Variants in SIPA1L1 observed in about 807,000 individuals in gnomAD.
The protein encoded by SIPA1L1 is signal-induced proliferation-associated 1-like protein 1.
Under a neutral mutation model 162.7 loss-of-function variants are expected in SIPA1L1, and 26 were observed. The observed-to-expected ratio is 0.16, with a 90% confidence interval of 0.12 to 0.22. The LOEUF is 0.22. Ranked by LOEUF, SIPA1L1 falls within the 10% of genes least tolerant of loss-of-function variation. SIPA1L1 has a pLI of 1.00. For synonymous variants in SIPA1L1, 829 were observed against 837.4 expected, an observed-to-expected ratio of 0.99 and a Z score of 0.17; for missense variants, 1,874 against 2,241.0, an observed-to-expected ratio of 0.84 and a Z score of 3.31.
At chr14:71,458,800 G>A (rs981935852) in intron 2 of SIPA1L1, among the ~76,000 whole-genome samples, 3 of 152,070 alleles carry the variant, frequency 2.0e-5, no homozygotes, top group Non-Finnish European at 4.4e-5. Flanking sequence ...GCCAGGCTTG[G>A]TGTCTCACGA....
At chr14:71,561,817 T>A (rs976808782) in intron 4 of SIPA1L1, among the ~76,000 whole-genome samples, 1 of 152,082 alleles carries the variant, frequency 6.6e-6, no homozygotes, top group African/African-American at 2.4e-5. Context: ...AAATTCCTGA[T>A]CTCAGGTGAT....
In SIPA1L1 at chr14:71,733,734, C is replaced by T; in HGVS notation, c.4930C>T (p.Pro1644Ser). The T allele has an allele frequency of 6.2e-7, 1 of 1,613,882 alleles. No homozygotes were observed. Among genetic ancestry groups the T allele is most frequent in the Non-Finnish European group, 8.5e-7 (1 of 1,180,026 alleles). ...QETRRQPMPD[P>S]GLMPLPDTAA... ...GACCCGCAGGCAGCCTATGCCCGAC[C>T]CTGGCCTGATGCCCCTGCCTGACAC... Residue 1644 changes from proline (P) to serine (S), a missense_variant, in exon 21 of 24, where the codon CCT becomes TCT. This residue lies in a region of SIPA1L1 where 936 missense variants were observed against 1,051.9 expected (regional missense o/e 0.89). Transcript: ENST00000381232.
chr14:71,422,718 C>T (rs2043278984), intron 2 of SIPA1L1, among the ~76,000 whole-genome samples: 1 of 152,198 alleles, frequency 6.6e-6, no homozygotes, highest in Non-Finnish European at 1.5e-5. Context: ...TTTGCTTATC[C>T]ATTCATCCAT....
intron 2 of SIPA1L1, among the ~76,000 whole-genome samples, chr14:71,475,420 CCCT>C (rs1329674086): frequency 3.3e-5 from 5 of 152,036 alleles, no homozygotes; most frequent in Non-Finnish European, 5.9e-5. Flanking sequence ...GTATCTTTCC[CCCT>C]CCTCCTCTTT....
At chr14:71,592,142 T>C (rs1283176737) in intron 5 of SIPA1L1, among the ~76,000 whole-genome samples, 2 of 152,204 alleles carry the variant, frequency 1.3e-5, no homozygotes, top group Non-Finnish European at 2.9e-5. Context: ...AGGGAAATTA[T>C]GAGCAGTGGT....
chr14:71,694,610 G>A (rs1459688019), intron 13 of SIPA1L1, among the ~76,000 whole-genome samples: 2 of 152,106 alleles, frequency 1.3e-5, no homozygotes, highest in Non-Finnish European at 2.9e-5. Flanking sequence ...ATATAGAGAA[G>A]AAAATCTTCT....
At chr14:71,355,832 C>T (rs1275063990) in intron 2 of SIPA1L1, among the ~76,000 whole-genome samples, 2 of 152,162 alleles carry the variant, frequency 1.3e-5, no homozygotes, top group African/African-American at 4.8e-5. Flanking sequence ...TCAATCTCAG[C>T]TCTTGTATGT....
At chr14:71,679,237 C>T (rs1456720892) in intron 12 of SIPA1L1, among the ~76,000 whole-genome samples, 2 of 152,218 alleles carry the variant, frequency 1.3e-5, no homozygotes, top group East Asian at 3.9e-4. Context: ...CAGTGGCTCT[C>T]TGCAGAAACT....
At chr14:71,579,521 T>A (rs2033614982) in intron 4 of SIPA1L1, among the ~76,000 whole-genome samples, 1 of 152,198 alleles carries the variant, frequency 6.6e-6, no homozygotes, top group Non-Finnish European at 1.5e-5. Flanking sequence ...CTGTCTTAGA[T>A]CCCTTGAGGG....
At chr14:71,532,999 T>C (rs1452252363) in intron 4 of SIPA1L1, among the ~76,000 whole-genome samples, 3 of 152,164 alleles carry the variant, frequency 2.0e-5, no homozygotes, top group South Asian at 2.1e-4. Context: ...TGGAAACATA[T>C]TGTATCTGTT....
chr14:71,654,484 T>G (rs555269746), intron 8 of SIPA1L1, among the ~76,000 whole-genome samples: 1 of 152,336 alleles, frequency 6.6e-6, no homozygotes, highest in Non-Finnish European at 1.5e-5. Flanking sequence ...CACAGGAGAC[T>G]TAGAAGCCGT....
intron 2 of SIPA1L1, among the ~76,000 whole-genome samples, chr14:71,485,408 C>A (rs1353090398): frequency 6.6e-6 from 1 of 152,202 alleles, no homozygotes; most frequent in Non-Finnish European, 1.5e-5. Flanking sequence ...CCCCATTGCC[C>A]ATTACCACCT....
intron 2 of SIPA1L1, among the ~76,000 whole-genome samples, chr14:71,324,210 A>AGATT (rs1312786797): frequency 6.6e-6 from 1 of 152,242 alleles, no homozygotes; most frequent in Non-Finnish European, 1.5e-5. Context: ...TTTGTTGGAC[A>AGATT]GATTCATGGA....
chr14:71,686,820 G>A (rs931734994), intron 13 of SIPA1L1, among the ~76,000 whole-genome samples: 2 of 152,188 alleles, frequency 1.3e-5, no homozygotes, highest in African/African-American at 4.8e-5. Flanking sequence ...GGAGAAGTCT[G>A]TATTCTGGGA....
At chr14:71,733,580 T>G in intron 20 of SIPA1L1, 86 bp from the exon 21 acceptor site, 1 of 1,341,352 alleles carries the variant, frequency 7.5e-7, no homozygotes, top group African/African-American at 1.4e-5. Context: ...TGGCTTACAA[T>G]CTATTGTGGT....
chr14:71,347,136 T>C (rs2036250974), intron 2 of SIPA1L1, among the ~76,000 whole-genome samples: 1 of 151,550 alleles, frequency 6.6e-6, no homozygotes, highest in African/African-American at 2.4e-5. Context: ...TTTTTTCGTA[T>C]TTTTAGTAGA....
In SIPA1L1 at chr14:71,495,405, ACTGTTT is replaced by A. The variant is rs1393828701; in HGVS notation, c.-464-17337_-464-17332del. On this transcript the variant is annotated intron_variant, in intron 2 of 23. Transcript: ENST00000381232. ...TCTAATTTGTCTAATTTGATGGCAT[ACTGTTT>A]TTATATTTTCTTTTATATATTTAAA... Among the ~76,000 whole-genome samples, 3 of 151,288 alleles carry A rather than the reference ACTGTTT, an allele frequency of 2.0e-5. No individual in the cohort carries two copies. In the East Asian group the frequency reaches 5.8e-4, roughly 29 times the overall value.
rs927103529 is a variant in SIPA1L1 at position 71,542,423 on chromosome 14, CCTGCTG to C, written c.-303+13065_-303+13070del. Among the ~76,000 whole-genome samples, 6 of 150,768 alleles carry C rather than the reference CCTGCTG, an allele frequency of 4.0e-5. 1 individual carries two copies. In the South Asian group the frequency reaches 6.3e-4, roughly 16 times the overall value. On this transcript the variant is annotated intron_variant, in intron 4 of 23. Coordinates refer to ENST00000381232, the MANE Select transcript of SIPA1L1 (RefSeq NM_001386936.1). ...GCTGCTGCTGCTTCTGCTTCTTCTT[CCTGCTG>C]CTGCTGCTGCTTCTGCTTCTTCTTC... is the stretch of plus-strand genomic sequence containing the variant.
chr14:71,374,457 TTTA>T (rs890190738), intron 2 of SIPA1L1, among the ~76,000 whole-genome samples: 1 of 151,766 alleles, frequency 6.6e-6, no homozygotes, highest in Non-Finnish European at 1.5e-5. Context: ...ATTTATAGTA[TTTA>T]TTATTTTTTA....
Sources: allele counts gnomAD v4.1 joint callset (sites outside exome capture counted in the v4.1 genomes callset), GRCh38; gene constraint gnomAD v4.1.1; regional missense constraint gnomAD v4.1.1; transcripts MANE v1.5; gene names NCBI Gene and HGNC (gene_info 2026-07-23, HGNC 2026-07-21).